The following C10orf90 variants were observed in gnomAD, a reference collection of about 807,000 sequenced individuals.
C10orf90 encodes the protein (E2-independent) E3 ubiquitin-conjugating enzyme FATS.
A neutral mutation model predicts 62.5 loss-of-function variants in C10orf90; 56 were observed. That is an observed-to-expected ratio of 0.90 (90% CI 0.72 to 1.12). The LOEUF is 1.12. Ranked by LOEUF, C10orf90 falls within the 50% of genes most tolerant of loss-of-function variation. The pLI is 0.00. For missense variants in C10orf90, 970 were observed against 880.4 expected (o/e 1.10, Z -1.29); for synonymous variants, 386 against 340.4 (o/e 1.13, Z -1.47).
chr10:126,638,623 C>T (rs576902725), intron 2 of C10orf90, among the ~76,000 whole-genome samples: 54 of 152,286 alleles, frequency 3.5e-4, no homozygotes, highest in Non-Finnish European at 6.6e-4. Context: ...TGTGCCTTGA[C>T]ATCTGGGGAA....
chr10:126,531,304 G>A (rs552895312), intron 2 of C10orf90, among the ~76,000 whole-genome samples: 1 of 152,158 alleles, frequency 6.6e-6, no homozygotes, highest in Non-Finnish European at 1.5e-5. Flanking sequence ...GACATTTTTG[G>A]TTGTCACCTT....
intron 2 of C10orf90, among the ~76,000 whole-genome samples, chr10:126,596,458 C>T (rs983312668): frequency 2.6e-5 from 4 of 152,026 alleles, no homozygotes; most frequent in African/African-American, 4.8e-5. Flanking sequence ...TAGCAATAGA[C>T]TTGTACCTGT....
At chr10:126,647,184 T>G (rs1318396160) in intron 1 of C10orf90, among the ~76,000 whole-genome samples, 1 of 152,216 alleles carries the variant, frequency 6.6e-6, no homozygotes, top group African/African-American at 2.4e-5. Context: ...CAAAGCAGTT[T>G]GCTGAGGGTG....
At chr10:126,629,639 T>C (rs1414981531) in intron 2 of C10orf90, among the ~76,000 whole-genome samples, 4 of 152,220 alleles carry the variant, frequency 2.6e-5, no homozygotes, top group Non-Finnish European at 5.9e-5. Context: ...AAAATTTTAG[T>C]TAAACTAACC....
intron 4 of C10orf90, among the ~76,000 whole-genome samples, chr10:126,467,274 A>C (rs989359972): frequency 2.6e-5 from 4 of 152,214 alleles, no homozygotes; most frequent in African/African-American, 9.6e-5. Flanking sequence ...GAGAAAAGAA[A>C]TATGCAGCCA....
chr10:126,522,430 T>C (rs558231578), intron 2 of C10orf90, among the ~76,000 whole-genome samples: 30 of 152,234 alleles, frequency 2.0e-4, no homozygotes, highest in Non-Finnish European at 3.4e-4. Flanking sequence ...AGCCATTTTA[T>C]CTCCTGGGAT....
intron 2 of C10orf90, among the ~76,000 whole-genome samples, chr10:126,538,138 C>T (rs1212483505): frequency 6.6e-6 from 1 of 151,868 alleles, no homozygotes; most frequent in Non-Finnish European, 1.5e-5. Context: ...TGGTGGAAGG[C>T]AAAAAAGGAG....
intron 2 of C10orf90, among the ~76,000 whole-genome samples, chr10:126,545,707 T>C (rs545120068): frequency 9.3e-4 from 142 of 152,312 alleles, no homozygotes; most frequent in Middle Eastern, 3.4e-3. Context: ...CATATAACTC[T>C]TGTTTTCACA....
intron 2 of C10orf90, among the ~76,000 whole-genome samples, chr10:126,540,411 C>T (rs1352252717): frequency 3.3e-5 from 5 of 152,152 alleles, no homozygotes; most frequent in Non-Finnish European, 7.4e-5. Flanking sequence ...GTAATCCCAA[C>T]ACTTTGAGAG....
At chr10:126,651,736 G>T (rs182761321) in intron 1 of C10orf90, among the ~76,000 whole-genome samples, 6 of 152,204 alleles carry the variant, frequency 3.9e-5, no homozygotes, top group African/African-American at 1.4e-4. Context: ...GGACATGTGC[G>T]TAGTTTGCAG....
intron 2 of C10orf90, among the ~76,000 whole-genome samples, chr10:126,631,223 T>C (rs1214220833): frequency 6.6e-6 from 1 of 152,134 alleles, no homozygotes. Context: ...AACAGAAAAC[T>C]CGCCACTGTT....
intron 2 of C10orf90, among the ~76,000 whole-genome samples, chr10:126,529,721 G>C (rs991567486): frequency 6.6e-6 from 1 of 152,142 alleles, no homozygotes. Flanking sequence ...ATTAAATATT[G>C]GTGAGGACAT....
intron 2 of C10orf90, among the ~76,000 whole-genome samples, chr10:126,618,936 T>C (rs144352237): frequency 6.6e-6 from 1 of 152,260 alleles, no homozygotes; most frequent in East Asian, 1.9e-4. Context: ...TAAATGCCCA[T>C]GAGCGGTAGG....
chr10:126,471,345 T>A (rs1860576930), intron 4 of C10orf90, among the ~76,000 whole-genome samples: 1 of 152,232 alleles, frequency 6.6e-6, no homozygotes, highest in Non-Finnish European at 1.5e-5. Context: ...AATGCCTTTC[T>A]AGACAGTAAG....
At chr10:126,555,553 C>T (rs1864745941) in intron 2 of C10orf90, among the ~76,000 whole-genome samples, 1 of 151,678 alleles carries the variant, frequency 6.6e-6, no homozygotes, top group Admixed American at 6.6e-5. Context: ...GTGGCCTGTG[C>T]CTGTAATCCC....
At chr10:126,545,587 A>T (rs932972648) in intron 2 of C10orf90, among the ~76,000 whole-genome samples, 1 of 151,064 alleles carries the variant, frequency 6.6e-6, no homozygotes, top group African/African-American at 2.4e-5. Context: ...GCAACCTCTC[A>T]TAATGTTTAA....
chr10:126,461,522 G>A lies in C10orf90; in HGVS notation c.1889C>T (p.Thr630Ile). 1 of 1,614,072 alleles carries A rather than the reference G, an allele frequency of 6.2e-7. No individual in the cohort carries two copies. The highest frequency in any genetic ancestry group is 8.5e-7 in the Non-Finnish European group (1 of 1,179,990). The change falls in exon 6 of 10, where the codon ACC becomes ATC. Residue 630 changes from threonine to isoleucine, a missense_variant. Transcript: ENST00000488181. Reference sequence around the variant, plus strand: ...TGCTGCTGGGGAGGGCTCAGGTGTGGTGGGGTCCTCACTCTTCTTACATTC... The same window carrying A: ...TGCTGCTGGGGAGGGCTCAGGTGTGATGGGGTCCTCACTCTTCTTACATTC... ...IKECKKSEDP[T>I]TPEPSPAAPS... is the part of the protein sequence containing the mutation.
chr10:126,561,797 C>T (rs1564872102), intron 2 of C10orf90, among the ~76,000 whole-genome samples: 1 of 151,482 alleles, frequency 6.6e-6, no homozygotes. Context: ...GGCCCCTTTC[C>T]CCGGGCCCCG....
At chr10:126,448,033 T>TC (rs1858904268) in intron 7 of C10orf90, among the ~76,000 whole-genome samples, 2 of 143,068 alleles carry the variant, frequency 1.4e-5, no homozygotes, top group African/African-American at 5.3e-5. Context: ...TTTTTTTTTT[T>TC]TTTTTTTTTT....
Sources: gnomAD v4.1 joint callset for allele counts (sites outside exome capture counted in the v4.1 genomes callset) on GRCh38, gnomAD v4.1.1 for gene constraint, MANE v1.5 for transcripts, NCBI Gene and HGNC (gene_info 2026-07-23, HGNC 2026-07-21) for gene names.